ATP10B: variants seen among roughly 807,000 people sequenced by gnomAD.
ATP10B encodes the protein ATPase phospholipid transporting 10B (putative), also known as phospholipid-transporting ATPase VB.
ATP10B carries 122 observed loss-of-function variants against 141.2 expected under a neutral mutation model. The ratio of observed to expected loss-of-function variants is 0.86; its 90% CI spans 0.75 to 1.00. ATP10B has a LOEUF of 1.00. Among genes scored for constraint, ATP10B ranks in the 50% least tolerant of loss-of-function variants. ATP10B has a pLI of 0.00. For missense variants in ATP10B, 1,876 were observed against 1,825.3 expected (o/e 1.03, Z -0.51); for synonymous variants, 685 against 692.0 (o/e 0.99, Z 0.16).
chr5:160,855,917 A>G (rs568507690), upstream of ATP10B, among the ~76,000 whole-genome samples: 36 of 151,166 alleles, frequency 2.4e-4, no homozygotes, highest in East Asian at 3.1e-3. Flanking sequence ...GTGTGGATCT[A>G]TTTCTGGATT....
intron 2 of ATP10B, among the ~76,000 whole-genome samples, chr5:160,773,295 T>C (rs1359295950): frequency 6.6e-6 from 1 of 152,192 alleles, no homozygotes; most frequent in Non-Finnish European, 1.5e-5. Flanking sequence ...TTAGACAGGC[T>C]TTGCAATGGC....
At chr5:160,767,473 C>T (rs1242004772) in intron 2 of ATP10B, among the ~76,000 whole-genome samples, 5 of 152,122 alleles carry the variant, frequency 3.3e-5, no homozygotes, top group Admixed American at 2.6e-4. Flanking sequence ...GCTCACAGTG[C>T]TATTTAATGG....
At chr5:160,657,261 C>A (rs934163538) in intron 7 of ATP10B, among the ~76,000 whole-genome samples, 2 of 152,062 alleles carry the variant, frequency 1.3e-5, no homozygotes, top group African/African-American at 2.4e-5. Context: ...TTGAGGTTTT[C>A]TTCCTGGTAT....
chr5:160,627,986 G>A (rs527661610), intron 13 of ATP10B, among the ~76,000 whole-genome samples: 1 of 152,298 alleles, frequency 6.6e-6, no homozygotes, highest in East Asian at 1.9e-4. Context: ...TAACCCTGTG[G>A]GCTATGACTA....
chr5:160,859,856 T>C, the ATP10B span, among the ~76,000 whole-genome samples: 5 of 152,046 alleles, frequency 3.3e-5, no homozygotes, highest in African/African-American at 1.2e-4. Context: ...TTATAAATAA[T>C]GGCCTATATG....
At chr5:160,692,053 T>G (rs1764105115) in intron 3 of ATP10B, among the ~76,000 whole-genome samples, 1 of 152,214 alleles carries the variant, frequency 6.6e-6, no homozygotes, top group Admixed American at 6.5e-5. Flanking sequence ...CATATCAGAC[T>G]TCTCTCACTA....
chr5:160,728,767 A>G (rs1214465861), intron 2 of ATP10B, among the ~76,000 whole-genome samples: 2 of 144,030 alleles, frequency 1.4e-5, no homozygotes, highest in East Asian at 5.3e-4. Context: ...GGCTCCCTCT[A>G]ATTTCACTGT....
chr5:160,775,870 C>T (rs975739882), intron 2 of ATP10B, among the ~76,000 whole-genome samples: 2 of 151,738 alleles, frequency 1.3e-5, no homozygotes, highest in African/African-American at 4.8e-5. Flanking sequence ...TTAGTAGAGA[C>T]GGGGGTTTCA....
At chr5:160,595,085 T>C (rs1356740702) in intron 22 of ATP10B, among the ~76,000 whole-genome samples, 1 of 152,176 alleles carries the variant, frequency 6.6e-6, no homozygotes, top group Non-Finnish European at 1.5e-5. Flanking sequence ...ATCAAGAATA[T>C]ACATTCTTCT....
Position 160,603,971 on chromosome 5 carries a change from G to A in ATP10B, c.3231C>T (p.Gly1077=). The change falls in exon 20 of 26, where the codon GGC becomes GGT. Residue 1077 remains glycine, a synonymous_variant. Transcript: ENST00000327245. The part of the protein sequence containing the change: ...DIGIGISGQE[G]MQAVMSSDFA... ...TAGTTGCAGAGAACAATACCTGCAT[G>A]CCTTCCTGTCCAGATATTCCAATTC... The A allele has an allele frequency of 6.2e-7, 1 of 1,612,590 alleles. No individual in the cohort carries two copies. The highest frequency in any genetic ancestry group is 8.5e-7 in the Non-Finnish European group (1 of 1,178,756).
chr5:160,615,880 T>A lies in ATP10B; in HGVS notation c.2611A>T (p.Met871Leu), dbSNP rs1289845394. Residue 871 changes from methionine (M) to leucine (L), a missense_variant, in exon 17 of 26, where the codon ATG becomes TTG. Physicochemically the swap from Met to Leu is conservative, Grantham distance 15. Transcript: ENST00000327245. ...TTCTCCAGATGCTGTGCAGTTTCCA[T>A]GAGAAGCTCATCTCGGTTGTCGAGG... The part of the protein sequence containing the change: ...ASLDNRDELL[M>L]ETAQHLENQL... 6.2e-7 allele frequency: 1 copy of A among 1,613,460 alleles called. No homozygotes were observed. The highest frequency in any genetic ancestry group is 1.7e-5 in the Admixed American group (1 of 60,004).
chr5:160,914,651 T>C, the ATP10B span, among the ~76,000 whole-genome samples: 1 of 152,228 alleles, frequency 6.6e-6, no homozygotes, highest in Non-Finnish European at 1.5e-5. Flanking sequence ...ATGTGGAACC[T>C]GCATATGTAG....
At chr5:160,685,734 T>A (rs114985743) in intron 6 of ATP10B, among the ~76,000 whole-genome samples, 3,033 of 152,284 alleles carry the variant, frequency 0.02, 107 homozygotes, top group African/African-American at 0.068. Flanking sequence ...ATAATATGAG[T>A]GCTTATACAA....
intron 5 of ATP10B, chr5:160,686,983 G>GCT: frequency 1.0e-6 from 1 of 985,126 alleles, no homozygotes; most frequent in Non-Finnish European, 1.2e-6. Context: ...CGTGCATCTT[G>GCT]CTCTCTCTTG....
In ATP10B at chr5:160,730,345, C is replaced by T. The variant is rs77807925; in HGVS notation, c.-330-13311G>A. 8.2e-3 allele frequency among the ~76,000 whole-genome samples: 1,248 copies of T among 152,202 alleles called. 18 individuals are homozygous for T. The highest frequency in any genetic ancestry group is 0.028 in the African/African-American group (1,181 of 41,510). ...CCTGCTGTCTCATTTCATTGCTACC[C>T]TGAATGGAACGATATTTCTCTTCTT... On this transcript the variant is annotated intron_variant, in intron 2 of 25. Coordinates refer to ENST00000327245, the MANE Select transcript of ATP10B (RefSeq NM_025153.3).
intron 6 of ATP10B, among the ~76,000 whole-genome samples, chr5:160,675,747 T>C (rs950314791): frequency 6.6e-6 from 1 of 151,982 alleles, no homozygotes; most frequent in African/African-American, 2.4e-5. Context: ...AGGCTTTGAA[T>C]CCTGGCTTCT....
At chr5:160,747,609 A>G (rs1767891596) in intron 2 of ATP10B, among the ~76,000 whole-genome samples, 1 of 152,092 alleles carries the variant, frequency 6.6e-6, no homozygotes, top group Admixed American at 6.5e-5. Flanking sequence ...AGGAACACCT[A>G]AGGCTACCAG....
At chr5:160,654,625 T>C (rs1050609834) in intron 7 of ATP10B, among the ~76,000 whole-genome samples, 1 of 152,182 alleles carries the variant, frequency 6.6e-6, no homozygotes, top group African/African-American at 2.4e-5. Context: ...AGATGGAGAC[T>C]AAAGTGTCTC....
At chr5:160,898,282 A>G in the ATP10B span, among the ~76,000 whole-genome samples, 1 of 152,168 alleles carries the variant, frequency 6.6e-6, no homozygotes, top group Admixed American at 6.6e-5. Flanking sequence ...AGAATCTACA[A>G]GAAACAAACA....
Sources: allele counts gnomAD v4.1 joint callset (sites outside exome capture counted in the v4.1 genomes callset), GRCh38; gene constraint gnomAD v4.1.1; transcripts MANE v1.5; gene names NCBI Gene and HGNC (gene_info 2026-07-23, HGNC 2026-07-21).